Variants in SLC35F4 observed in about 807,000 individuals in gnomAD.
SLC35F4 encodes the protein chromosome 14 open reading frame 36.
Under a neutral mutation model 44.2 loss-of-function variants are expected in SLC35F4, and 24 were observed. The ratio of observed to expected loss-of-function variants is 0.54; its 90% CI spans 0.39 to 0.76. The LOEUF (loss-of-function observed/expected upper bound fraction) is 0.76. SLC35F4 is among the 30% of genes least tolerant of loss of function. The pLI is 0.00. For missense variants in SLC35F4, 562 were observed against 586.1 expected, an observed-to-expected ratio of 0.96 and a Z score of 0.42; for synonymous variants, 238 against 223.6, an observed-to-expected ratio of 1.06 and a Z score of -0.57.
chr14:57,972,367 G>A (rs1177426198), downstream of SLC35F4, among the ~76,000 whole-genome samples: 1 of 152,144 alleles, frequency 6.6e-6, no homozygotes, highest in Non-Finnish European at 1.5e-5. Context: ...TACAGCACTG[G>A]TCCAGGTGGA....
At chr14:57,727,970 G>A (rs1184950182) in intron 1 of SLC35F4, among the ~76,000 whole-genome samples, 2 of 152,178 alleles carry the variant, frequency 1.3e-5, no homozygotes, top group Admixed American at 1.3e-4. Context: ...GTTCAGTGCT[G>A]AAGGTGAGGT....
intron 1 of SLC35F4, among the ~76,000 whole-genome samples, chr14:57,634,124 C>A (rs890793104): frequency 6.6e-6 from 1 of 152,142 alleles, no homozygotes; most frequent in Non-Finnish European, 1.5e-5. Context: ...GTGCTGAGCA[C>A]CCACCATGTG....
intron 1 of SLC35F4, among the ~76,000 whole-genome samples, chr14:57,613,289 AT>A: frequency 6.6e-6 from 1 of 152,302 alleles, no homozygotes; most frequent in Non-Finnish European, 1.5e-5. Flanking sequence ...TATATAATTT[AT>A]TGTGTGTCTG....
At chr14:57,815,985 T>G (rs549277073) in intron 1 of SLC35F4, among the ~76,000 whole-genome samples, 10 of 152,140 alleles carry the variant, frequency 6.6e-5, no homozygotes, top group African/African-American at 2.2e-4. Context: ...AAGAAGCAAA[T>G]AGAGAGCCAA....
intron 1 of SLC35F4, among the ~76,000 whole-genome samples, chr14:57,861,581 T>G (rs1482059133): frequency 6.6e-6 from 1 of 152,192 alleles, no homozygotes; most frequent in Non-Finnish European, 1.5e-5. Flanking sequence ...TAATTCTCTC[T>G]TATACACATT....
chr14:57,934,473 G>A (rs1257466720), intron 1 of SLC35F4, among the ~76,000 whole-genome samples: 1 of 151,716 alleles, frequency 6.6e-6, no homozygotes, highest in Non-Finnish European at 1.5e-5. Flanking sequence ...CCCATAGTCA[G>A]TAAAAGTCAC....
At chr14:57,803,885 C>T (rs1214702702) in intron 1 of SLC35F4, among the ~76,000 whole-genome samples, 2 of 151,982 alleles carry the variant, frequency 1.3e-5, no homozygotes, top group Non-Finnish European at 2.9e-5. Flanking sequence ...CCACCCAGTC[C>T]CAAAAGCTTC....
chr14:57,947,442 G>C (rs1039782637), intron 1 of SLC35F4, among the ~76,000 whole-genome samples: 2 of 151,986 alleles, frequency 1.3e-5, no homozygotes, highest in Non-Finnish European at 2.9e-5. Context: ...TGAGTCTTTG[G>C]GGTCTTCTAG....
At chr14:57,570,908 T>C (rs970754735) in intron 5 of SLC35F4, among the ~76,000 whole-genome samples, 1 of 152,176 alleles carries the variant, frequency 6.6e-6, no homozygotes, top group African/African-American at 2.4e-5. Flanking sequence ...TTTGGTCACA[T>C]CAGACATCTT....
intron 1 of SLC35F4, among the ~76,000 whole-genome samples, chr14:57,648,875 A>C (rs1273713475): frequency 6.6e-6 from 1 of 152,190 alleles, no homozygotes; most frequent in African/African-American, 2.4e-5. Context: ...TTGCTTATCG[A>C]AACTCAAACT....
At chr14:57,744,841 T>C (rs994673167) in intron 1 of SLC35F4, among the ~76,000 whole-genome samples, 1 of 152,116 alleles carries the variant, frequency 6.6e-6, no homozygotes, top group Non-Finnish European at 1.5e-5. Flanking sequence ...CTTCAAACTA[T>C]ACTACAAGGC....
chr14:57,600,718 A>C (rs1226128113), intron 1 of SLC35F4, among the ~76,000 whole-genome samples: 9 of 146,920 alleles, frequency 6.1e-5, no homozygotes, highest in African/African-American at 2.3e-4. Flanking sequence ...AAAAAAAAAA[A>C]ACCAAAAAGA....
chr14:57,765,566 A>C (rs1374331460), intron 1 of SLC35F4, among the ~76,000 whole-genome samples: 1 of 152,276 alleles, frequency 6.6e-6, no homozygotes, highest in African/African-American at 2.4e-5. Context: ...AAATGCCTAC[A>C]AAATGTAACA....
At chr14:57,792,371 A>T (rs1024848334) in intron 1 of SLC35F4, among the ~76,000 whole-genome samples, 1 of 152,188 alleles carries the variant, frequency 6.6e-6, no homozygotes, top group Non-Finnish European at 1.5e-5. Context: ...AATAACTAAA[A>T]GTAGAACTAC....
intron 1 of SLC35F4, among the ~76,000 whole-genome samples, chr14:57,759,628 T>C (rs994843986): frequency 2.0e-5 from 3 of 152,310 alleles, no homozygotes; most frequent in Middle Eastern, 3.4e-3. Flanking sequence ...AGTGGTTACA[T>C]AGAGACATTT....
rs1467323375 is a variant in SLC35F4, at chr14:57,750,118, T to TCTC, written c.103+115604_103+115605insGAG. On this transcript the variant is annotated intron_variant, in intron 1 of 7. Coordinates refer to ENST00000556826, the MANE Select transcript of SLC35F4 (RefSeq NM_001306087.2). Reference sequence around the variant, plus strand: ...ATATGTACACATTTTTAGCACCCACTTAAGAGTGAAAACATGCGGTATTTG... The same window carrying TCTC: ...ATATGTACACATTTTTAGCACCCACTCTCTAAGAGTGAAAACATGCGGTATTTG... Among the ~76,000 whole-genome samples, 173 of 152,290 alleles carry TCTC rather than the reference T, an allele frequency of 1.1e-3. 1 individual carries two copies. The highest frequency in any genetic ancestry group is 3.9e-3 in the African/African-American group (164 of 41,558).
chr14:57,609,544 T>A (rs906347925), intron 1 of SLC35F4, among the ~76,000 whole-genome samples: 1 of 152,180 alleles, frequency 6.6e-6, no homozygotes, highest in African/African-American at 2.4e-5. Context: ...TATTCACCCA[T>A]GTGAGGCGAA....
chr14:57,693,855 T>C (rs1361627509), intron 1 of SLC35F4, among the ~76,000 whole-genome samples: 1 of 152,058 alleles, frequency 6.6e-6, no homozygotes, highest in East Asian at 1.9e-4. Context: ...ACAGCACAGG[T>C]GGTTAGATCC....
intron 1 of SLC35F4, among the ~76,000 whole-genome samples, chr14:57,682,004 G>A (rs2074920940): frequency 6.6e-6 from 1 of 152,184 alleles, no homozygotes; most frequent in Non-Finnish European, 1.5e-5. Context: ...AACAGATGCT[G>A]GTGAGGATAT....
Sources: allele counts gnomAD v4.1 joint callset (sites outside exome capture counted in the v4.1 genomes callset), GRCh38; gene constraint gnomAD v4.1.1; transcripts MANE v1.5; gene names NCBI Gene and HGNC (gene_info 2026-07-23, HGNC 2026-07-21).